UBE2D2: variants seen among roughly 807,000 people sequenced by gnomAD.
UBE2D2 encodes the protein ubiquitin-conjugating enzyme E2 D2.
A neutral mutation model predicts 24.2 loss-of-function variants in UBE2D2; 2 were observed. The observed-to-expected ratio is 0.08, with a 90% CI of 0.03 to 0.26. The LOEUF is 0.26. Among genes scored for constraint, UBE2D2 ranks in the 10% least tolerant of loss-of-function variants. The pLI is 1.00. For missense variants in UBE2D2, 44 were observed against 177.6 expected, an observed-to-expected ratio of 0.25 and a Z score of 4.28; for synonymous variants, 58 against 56.5, an observed-to-expected ratio of 1.03 and a Z score of -0.12.
rs1001198726 is a variant in UBE2D2 at position 139,549,191 on chromosome 5, G to A, written c.-64+22579G>A. Among the ~76,000 whole-genome samples the A allele has an allele frequency of 1.1e-4, 17 of 152,294 alleles. No homozygotes were observed. In the East Asian group the frequency reaches 1.7e-3, roughly 16 times the overall value. On this transcript the variant is annotated intron_variant, in intron 1 of 6. Coordinates refer to the UBE2D2 transcript ENST00000511725. Reference sequence around the variant, plus strand: ...ACCACTGAGAGGTGACAACGTGCTAGCAGCCCTCACTCATTCTGGGCGCCT... The same window carrying A: ...ACCACTGAGAGGTGACAACGTGCTAACAGCCCTCACTCATTCTGGGCGCCT...
At chr5:139,604,869 G>C (rs1337579726) in intron 2 of UBE2D2, among the ~76,000 whole-genome samples, 1 of 148,122 alleles carries the variant, frequency 6.8e-6, no homozygotes, top group Non-Finnish European at 1.5e-5. Context: ...GACAGGTTGA[G>C]ACCCAGTCTC....
At chr5:139,528,217 C>A (rs942996687) in intron 1 of UBE2D2, among the ~76,000 whole-genome samples, 12 of 152,152 alleles carry the variant, frequency 7.9e-5, no homozygotes, top group Non-Finnish European at 1.5e-5. Context: ...TGTTCATCCC[C>A]GAGTGGATGT....
At chr5:139,576,466 A>G (rs1020136849) in intron 1 of UBE2D2, among the ~76,000 whole-genome samples, 1 of 150,184 alleles carries the variant, frequency 6.7e-6, no homozygotes, top group Non-Finnish European at 1.5e-5. Context: ...AAACTTGCCC[A>G]TCCACGTAAC....
Position 139,574,735 on chromosome 5 carries a change from C to CAAAAAAAA in UBE2D2, c.24+12931_24+12938dup, listed in dbSNP as rs75539434. 5.6e-3 allele frequency among the ~76,000 whole-genome samples: 396 copies of CAAAAAAAA among 70,702 alleles called. 4 individuals carry two copies. The highest frequency in any genetic ancestry group is 0.017 in the African/African-American group (359 of 20,584). The allele number at this position is 70,702 out of a possible 152,430, so 46.4% of individuals were successfully genotyped here. ...TGAATGCCAATATCAGGTGGGGTGG[C>CAAAAAAAA]AAAAAAAAAAAAAAAAAAGAAAAGA... On this transcript the variant is annotated intron_variant, in intron 1 of 6. Transcript: ENST00000398733.
At chr5:139,554,321 A>G (rs1410864066) in intron 1 of UBE2D2, among the ~76,000 whole-genome samples, 2 of 152,086 alleles carry the variant, frequency 1.3e-5, no homozygotes, top group East Asian at 1.9e-4. Flanking sequence ...GGCACGTGCC[A>G]CTGTGCCAGG....
chr5:139,567,370 A>T (rs1383206781), intron 1 of UBE2D2, among the ~76,000 whole-genome samples: 1 of 151,076 alleles, frequency 6.6e-6, no homozygotes, highest in African/African-American at 2.4e-5. Flanking sequence ...AGTGCTGGGA[A>T]TACAAGCATG....
chr5:139,568,790 G>T lies in UBE2D2; in HGVS notation c.24+6975G>T, dbSNP rs1044571245. Among the ~76,000 whole-genome samples the T allele has an allele frequency of 4.6e-5, 7 of 152,162 alleles. No homozygotes were observed. The South Asian group carries it at 1.2e-3, about 27-fold the overall frequency. ...GTTCAATACCAGCCTAGTCAAGATGGTGAAACCCTGTCTCTACTAAAAATA... is the reference window on the plus strand; with the variant it reads ...GTTCAATACCAGCCTAGTCAAGATGTTGAAACCCTGTCTCTACTAAAAATA... On this transcript the variant is annotated intron_variant, in intron 1 of 6. Coordinates refer to ENST00000398733, the MANE Select transcript of UBE2D2 (RefSeq NM_003339.3).
At chr5:139,601,717 G>A (rs982752769) in intron 2 of UBE2D2, among the ~76,000 whole-genome samples, 1 of 151,914 alleles carries the variant, frequency 6.6e-6, no homozygotes, top group Admixed American at 6.6e-5. Context: ...AGACCATCCT[G>A]GCCAAGATGG....
intron 1 of UBE2D2, among the ~76,000 whole-genome samples, chr5:139,544,845 C>T (rs1404565805): frequency 1.3e-5 from 2 of 151,650 alleles, no homozygotes; most frequent in Admixed American, 6.6e-5. Context: ...GGCGCGATCT[C>T]GGCTCACTGC....
At chr5:139,615,829 ATTTTTT>A (rs200247238) in intron 5 of UBE2D2, among the ~76,000 whole-genome samples, 2 of 95,412 alleles carry the variant, frequency 2.1e-5, no homozygotes, top group African/African-American at 9.7e-5. Flanking sequence ...AATAATCTAG[ATTTTTT>A]TTTTTTTTTT....
rs1753909234 is a variant in UBE2D2, at chr5:139,594,074, TC to T, written c.25-6295del. On this transcript the variant is annotated intron_variant, in intron 1 of 6. Transcript: ENST00000398733. ...AAGTTAATTATAACCTCTCTCAGTT[TC>T]CCATCTTGTTCCTTTCACCTTACAC... Among the ~76,000 whole-genome samples the T allele has an allele frequency of 2.0e-5, 3 of 152,362 alleles. No individual in the cohort carries two copies. The South Asian group carries it at 6.2e-4, about 32-fold the overall frequency.
chr5:139,608,883 G>A lies in UBE2D2; in HGVS notation c.89-5703G>A, dbSNP rs562663275. On this transcript the variant is annotated intron_variant, in intron 2 of 6. Transcript: ENST00000398733. ...GTGGATCACCTGAAGTCAGGAGTTCGAGACCAGCCTAACCAACATGGTGAA... is the reference window on the plus strand; with the variant it reads ...GTGGATCACCTGAAGTCAGGAGTTCAAGACCAGCCTAACCAACATGGTGAA... Among the ~76,000 whole-genome samples, 8 of 151,964 alleles carry A rather than the reference G, an allele frequency of 5.3e-5. No individual in the cohort carries two copies. In the East Asian group the frequency reaches 1.4e-3, roughly 26 times the overall value.
intron 1 of UBE2D2, among the ~76,000 whole-genome samples, chr5:139,537,481 G>T (rs994699436): frequency 6.6e-6 from 1 of 151,688 alleles, no homozygotes; most frequent in Non-Finnish European, 1.5e-5. Flanking sequence ...TATTAATTTT[G>T]CTTTGTTTTG....
chr5:139,553,307 CT>C (rs1752944489), intron 1 of UBE2D2, among the ~76,000 whole-genome samples: 1 of 152,152 alleles, frequency 6.6e-6, no homozygotes, highest in Non-Finnish European at 1.5e-5. Context: ...ATGAGCTCCC[CT>C]ATAGGGTTGC....
chr5:139,571,406 C>CAAA (rs549829203), intron 1 of UBE2D2, among the ~76,000 whole-genome samples: 1 of 88,182 alleles, frequency 1.1e-5, no homozygotes. Flanking sequence ...GACTCCCTCT[C>CAAA]AAAAAAAAAA....
intron 1 of UBE2D2, among the ~76,000 whole-genome samples, chr5:139,571,180 G>A (rs1753344396): frequency 1.3e-5 from 2 of 151,928 alleles, no homozygotes; most frequent in African/African-American, 4.8e-5. Flanking sequence ...AGGCCGAGGC[G>A]GGTGGATCGT....
chr5:139,608,703 T>C (rs779357097), intron 2 of UBE2D2, among the ~76,000 whole-genome samples: 9 of 152,238 alleles, frequency 5.9e-5, no homozygotes, highest in Non-Finnish European at 1.0e-4. Flanking sequence ...CAATTGTTAG[T>C]AGATTTTGAT....
At chr5:139,562,288 G>GT (rs1561503152) in intron 1 of UBE2D2, 1 of 1,353,966 alleles carries the variant, frequency 7.4e-7, no homozygotes, top group Non-Finnish European at 9.8e-7. Flanking sequence ...AGAGGAAGCC[G>GT]TTTTGCCCGA....
In UBE2D2 at chr5:139,606,002, C is replaced by G. The variant is rs370318013; in HGVS notation, c.88+5567C>G. Among the ~76,000 whole-genome samples, 11 of 152,268 alleles carry G rather than the reference C, an allele frequency of 7.2e-5. No individual in the cohort carries two copies. The East Asian group carries it at 1.9e-3, about 27-fold the overall frequency. On this transcript the variant is annotated intron_variant, in intron 2 of 6. Transcript: ENST00000398733. ...AAGTGATCCTCCTGCCTCTGCCTCC[C>G]AAAGCCCTGTGATTGCAGCTGCGAG... is the stretch of plus-strand genomic sequence containing the variant.
Sources: allele counts gnomAD v4.1 joint callset (sites outside exome capture counted in the v4.1 genomes callset), GRCh38; gene constraint gnomAD v4.1.1; transcripts MANE v1.5; gene names NCBI Gene and HGNC (gene_info 2026-07-23, HGNC 2026-07-21).